The following ZNF839 variants were observed in gnomAD, a reference collection of about 807,000 sequenced individuals.
ZNF839 encodes renal carcinoma antigen NY-REN-50.
In ZNF839, 38 loss-of-function variants were observed where a neutral mutation model predicts 56.4. The observed-to-expected ratio is 0.67, with a 90% CI of 0.52 to 0.88. The LOEUF is 0.88. Ranked by LOEUF, ZNF839 falls within the 40% of genes least tolerant of loss-of-function variation. ZNF839 has a pLI of 0.00. For synonymous variants in ZNF839, 486 were observed against 493.5 expected (o/e 0.98, Z 0.20); for missense variants, 1,091 against 1,177.6 (o/e 0.93, Z 1.08).
chr14:102,331,370 TC>T (rs1056389669), intron 2 of ZNF839, among the ~76,000 whole-genome samples: 25 of 152,124 alleles, frequency 1.6e-4, no homozygotes, highest in African/African-American at 6.0e-4. Context: ...TGCTTCAACC[TC>T]CCGAGTAGCC....
chr14:102,325,508 GT>G (rs2073363740), intron 1 of ZNF839, among the ~76,000 whole-genome samples: 2 of 151,246 alleles, frequency 1.3e-5, no homozygotes, highest in South Asian at 4.2e-4. Flanking sequence ...TTTTGTTTTT[GT>G]TTTTTTCAGA....
chr14:102,319,378 C>T (rs1204458984), upstream of ZNF839: 3 of 162,474 alleles, frequency 1.8e-5, no homozygotes, highest in African/African-American at 7.2e-5. This position sits in a 1 kb window ranked among gnomAD's most constrained non-coding sequence, Gnocchi z 4.5. Context: ...GCACAGTACT[C>T]TGCATCTCCA....
At position 102,339,155 on chromosome 14, in the gene ZNF839, C is replaced by A. The variant is rs1185891264; in HGVS notation, c.1859C>A (p.Thr620Asn). The A allele has an allele frequency of 3.7e-6, 6 of 1,613,394 alleles. No individual in the cohort carries two copies. The highest frequency in any genetic ancestry group is 2.7e-5 in the African/African-American group (2 of 75,046). Residue 620 changes from threonine to asparagine, a missense_variant, in exon 7 of 8, where the codon ACC becomes AAC. Physicochemically the swap from Thr to Asn is moderately conservative, Grantham distance 65 (BLOSUM62 0). Coordinates refer to ENST00000442396, the MANE Select transcript of ZNF839 (RefSeq NM_018335.6). Reference protein sequence around the residue: ...RPRREALSNDTTESLAANSRG... With the variant: ...RPRREALSNDNTESLAANSRG... The stretch of plus-strand genomic sequence containing the variant: ...AGAAGAGAAGCCCTGTCCAACGATA[C>A]CACTGAATCTCTTGCTGCCAACAGC...
Position 102,331,821 on chromosome 14 carries a change from C to T in ZNF839, c.1391C>T (p.Ser464Leu), listed in dbSNP as rs960378496. 1.0e-5 allele frequency: 16 copies of T among 1,578,538 alleles called. No individual in the cohort carries two copies. The highest frequency in any genetic ancestry group is 3.3e-4 in the Middle Eastern group (2 of 6,032). Residue 464 changes from serine (S) to leucine (L), a missense_variant, in exon 3 of 8, where the codon TCG becomes TTG. Around this residue, in one of 3 missense-constraint regions of ZNF839, gnomAD observed 614 missense variants for 629.2 expected, o/e 0.98. Coordinates refer to ENST00000442396, the MANE Select transcript of ZNF839 (RefSeq NM_018335.6). ...GPAAAGEQRA[S>L]PSKARLKEFL... ...GCTGCGGCAGGGGAGCAGAGGGCGT[C>T]GCCAAGCAAAGCCAGGCTCAAGGAG... is the stretch of plus-strand genomic sequence containing the variant.
intron 7 of ZNF839, among the ~76,000 whole-genome samples, chr14:102,339,579 T>C (rs190606786): frequency 2.0e-5 from 3 of 152,244 alleles, no homozygotes; most frequent in African/African-American, 7.2e-5. Context: ...ACCCCGTCTC[T>C]ACTAAAAATA....
intron 5 of ZNF839, among the ~76,000 whole-genome samples, chr14:102,336,475 A>G (rs1885719435): frequency 1.3e-5 from 2 of 150,886 alleles, no homozygotes; most frequent in Admixed American, 6.6e-5. Context: ...TTTGTATTTT[A>G]GTAGAGACAG....
chr14:102,324,594 A>G (rs1187764352), intron 1 of ZNF839, among the ~76,000 whole-genome samples: 1 of 152,164 alleles, frequency 6.6e-6, no homozygotes, highest in Admixed American at 6.6e-5. Flanking sequence ...CCAGCTATTC[A>G]GTAGGCTGAG....
chr14:102,318,900 C>T (rs970250045), upstream of ZNF839, among the ~76,000 whole-genome samples: 2 of 152,176 alleles, frequency 1.3e-5, no homozygotes, highest in African/African-American at 4.8e-5. Flanking sequence ...CCCCCCAGGG[C>T]GGAAACAGCG....
upstream of ZNF839, chr14:102,319,565 G>GGTCC: frequency 5.3e-6 from 3 of 567,162 alleles, no homozygotes; most frequent in Non-Finnish European, 7.7e-6. This position sits in a 1 kb window ranked among gnomAD's most constrained non-coding sequence, Gnocchi z 4.5. Flanking sequence ...AAATAAGGGG[G>GGTCC]GTCCGCTCTG....
intron 7 of ZNF839, among the ~76,000 whole-genome samples, chr14:102,339,760 G>A (rs966050755): frequency 6.6e-6 from 1 of 151,570 alleles, no homozygotes; most frequent in African/African-American, 2.4e-5. Context: ...AAAAAAAAAG[G>A]AGAGCCACCA....
intron 1 of ZNF839, among the ~76,000 whole-genome samples, chr14:102,323,151 C>G (rs4906191): frequency 0.34 from 50,990 of 152,152 alleles, 11,876 homozygotes; most frequent in African/African-American, 0.66. Context: ...GCCAGTTGGT[C>G]GTCCCAAATA....
At chr14:102,340,464 G>T (rs369023661) in intron 7 of ZNF839, among the ~76,000 whole-genome samples, 2 of 151,870 alleles carry the variant, frequency 1.3e-5, no homozygotes, top group East Asian at 1.9e-4. Context: ...TAGAGATAGG[G>T]TTTCCCCATG....
At chr14:102,338,745 G>T in intron 5 of ZNF839, 71 bp from the exon 6 acceptor site, 21 of 1,581,204 alleles carry the variant, frequency 1.3e-5, no homozygotes, top group East Asian at 4.6e-5. Context: ...TTTAATTCTT[G>T]CATGTGAATG....
At chr14:102,325,050 T>A (rs2073337307) in intron 1 of ZNF839, among the ~76,000 whole-genome samples, 1 of 152,058 alleles carries the variant, frequency 6.6e-6, no homozygotes. Flanking sequence ...TAGTATTTTT[T>A]AAAAAGTGAT....
At chr14:102,325,865 TTTATATG>T in intron 1 of ZNF839, 113 bp from the exon 2 acceptor site, 1 of 1,190,000 alleles carries the variant, frequency 8.4e-7, no homozygotes, top group Non-Finnish European at 1.2e-6. Flanking sequence ...TACATCAACT[TTTATATG>T]TAAGATGTAA....
chr14:102,322,503 T>G (rs1417622917), intron 1 of ZNF839, among the ~76,000 whole-genome samples: 4 of 152,254 alleles, frequency 2.6e-5, no homozygotes, highest in Admixed American at 1.3e-4. Context: ...AATACATTAT[T>G]AGTCTGGCTT....
At chr14:102,341,183 A>G in intron 7 of ZNF839, 140 bp from the exon 8 acceptor site, 2 of 995,188 alleles carry the variant, frequency 2.0e-6, no homozygotes, top group East Asian at 2.7e-5. Context: ...ATTGCTACCA[A>G]TCCCAAGGAG....
Position 102,326,249 on chromosome 14 carries a change from C to T in ZNF839, c.553C>T (p.Leu185Phe). Reference sequence around the variant, plus strand: ...GTTTGTACAGAGACCACTGCCAGCCCTCCAGGTGGTCCCTGCAAAGAGAGT... The same window carrying T: ...GTTTGTACAGAGACCACTGCCAGCCTTCCAGGTGGTCCCTGCAAAGAGAGT... The part of the protein sequence containing the change: ...QGFVQRPLPA[L>F]QVVPAKRVPA... The change falls in exon 2 of 8, where the codon CTC (leucine) becomes TTC (phenylalanine). Residue 185 changes from leucine (L) to phenylalanine (F), a missense_variant. By Grantham distance (22) the Leu-to-Phe change is conservative. Around this residue, in one of 3 missense-constraint regions of ZNF839, gnomAD observed 614 missense variants for 629.2 expected, o/e 0.98. Transcript: ENST00000442396. This position sits in a 1 kb window ranked among gnomAD's most constrained non-coding sequence, Gnocchi z 4.3. The T allele has an allele frequency of 6.2e-7, 1 of 1,613,930 alleles. No homozygotes were observed. The highest frequency in any genetic ancestry group is 1.1e-5 in the South Asian group (1 of 91,060).
At chr14:102,322,533 A>C (rs558202178) in intron 1 of ZNF839, among the ~76,000 whole-genome samples, 3 of 152,340 alleles carry the variant, frequency 2.0e-5, no homozygotes, top group East Asian at 1.9e-4. Context: ...GGTTATCCTC[A>C]AACAGTAGGG....
Sources: gnomAD v4.1 joint callset for allele counts (sites outside exome capture counted in the v4.1 genomes callset) on GRCh38, gnomAD v4.1.1 for gene constraint, gnomAD v4.1.1 regional missense constraint, Gnocchi (gnomAD v3.1) non-coding constraint, MANE v1.5 for transcripts, NCBI Gene and HGNC (gene_info 2026-07-23, HGNC 2026-07-21) for gene names.